The following PARD3 variants were observed in gnomAD, a reference collection of about 807,000 sequenced individuals.
The protein encoded by PARD3 is par-3 family cell polarity regulator.
In PARD3, 75 loss-of-function variants were observed where a neutral mutation model predicts 155.4. That is an observed-to-expected ratio of 0.48 (90% CI 0.40 to 0.58). The LOEUF is 0.58. PARD3 is among the 20% of genes least tolerant of loss of function. The pLI, the probability that PARD3 is intolerant of heterozygous loss-of-function variation, is 0.00. For synonymous variants in PARD3, 576 were observed against 610.5 expected, an observed-to-expected ratio of 0.94 and a Z score of 0.83; for missense variants, 1,642 against 1,721.7, an observed-to-expected ratio of 0.95 and a Z score of 0.82.
intron 3 of PARD3, among the ~76,000 whole-genome samples, chr10:34,478,771 G>A (rs965770932): frequency 2.0e-5 from 3 of 152,098 alleles, no homozygotes; most frequent in South Asian, 2.1e-4. Flanking sequence ...TCAAACTCCC[G>A]ACCTCAGGTG....
chr10:34,340,278 G>A (rs1293747756), intron 16 of PARD3, among the ~76,000 whole-genome samples: 1 of 152,152 alleles, frequency 6.6e-6, no homozygotes, highest in Non-Finnish European at 1.5e-5. Context: ...TCATGGTAGA[G>A]ATTTAAAGGC....
intron 1 of PARD3, among the ~76,000 whole-genome samples, chr10:34,709,400 C>G (rs1175605805): frequency 6.6e-6 from 1 of 152,180 alleles, no homozygotes; most frequent in Non-Finnish European, 1.5e-5. Flanking sequence ...GATGCTCCAC[C>G]TGTATACACA....
At chr10:34,461,408 C>T (rs1400171031) in intron 4 of PARD3, among the ~76,000 whole-genome samples, 4 of 152,120 alleles carry the variant, frequency 2.6e-5, no homozygotes, top group Non-Finnish European at 5.9e-5. Context: ...AGTTCGAGAC[C>T]AGCCTGGCCA....
At chr10:34,764,157 T>A (rs1837800794) in intron 1 of PARD3, among the ~76,000 whole-genome samples, 1 of 152,242 alleles carries the variant, frequency 6.6e-6, no homozygotes, top group Non-Finnish European at 1.5e-5. Context: ...TGCAGCTTTA[T>A]GATTCTCAAG....
chr10:34,217,511 G>T (rs1413061536), intron 22 of PARD3, among the ~76,000 whole-genome samples: 1 of 152,094 alleles, frequency 6.6e-6, no homozygotes, highest in Non-Finnish European at 1.5e-5. Flanking sequence ...CAGGTGGTGC[G>T]ATCCCACTTC....
At chr10:34,441,792 A>T (rs1485081575) in intron 5 of PARD3, among the ~76,000 whole-genome samples, 2 of 152,120 alleles carry the variant, frequency 1.3e-5, no homozygotes, top group African/African-American at 4.8e-5. Flanking sequence ...TTGTTTTTTT[A>T]AAAAATAATT....
At chr10:34,436,169 G>A (rs2076176416) in intron 5 of PARD3, among the ~76,000 whole-genome samples, 1 of 152,196 alleles carries the variant, frequency 6.6e-6, no homozygotes, top group Non-Finnish European at 1.5e-5. Context: ...ACTGACATCT[G>A]AGCAAATGCT....
chr10:34,489,546 T>C (rs2079740223), intron 3 of PARD3, among the ~76,000 whole-genome samples: 1 of 152,216 alleles, frequency 6.6e-6, no homozygotes, highest in Non-Finnish European at 1.5e-5. Flanking sequence ...ACACTGGCGA[T>C]TAATAAAGCC....
intron 4 of PARD3, among the ~76,000 whole-genome samples, chr10:34,459,156 C>A (rs2077488598): frequency 1.3e-5 from 2 of 151,954 alleles, no homozygotes; most frequent in Non-Finnish European, 1.5e-5. Flanking sequence ...AAATACGCAA[C>A]AACATTTCAT....
chr10:34,804,538 G>C (rs1326045418), intron 1 of PARD3, among the ~76,000 whole-genome samples: 1 of 152,202 alleles, frequency 6.6e-6, no homozygotes, highest in African/African-American at 2.4e-5. Flanking sequence ...TCCAAGTTTA[G>C]AGTATAACCC....
intron 2 of PARD3, among the ~76,000 whole-genome samples, chr10:34,681,745 TATATATATATATATATATATATA>T (rs1361795491): frequency 2.9e-3 from 45 of 15,750 alleles, no homozygotes; most frequent in African/African-American, 0.013. Flanking sequence ...TATATATATA[TATATATATATATATATATATATA>T]TTTTTTTTTT....
At chr10:34,618,958 C>A (rs117820094) in intron 2 of PARD3, among the ~76,000 whole-genome samples, 2,002 of 152,268 alleles carry the variant, frequency 0.013, 8 homozygotes, top group Middle Eastern at 0.024. Context: ...TCAGAGCACA[C>A]CTCGTGATTC....
chr10:34,368,079 G>A (rs1275175675), intron 12 of PARD3, among the ~76,000 whole-genome samples: 3 of 152,080 alleles, frequency 2.0e-5, no homozygotes, highest in South Asian at 2.1e-4. Context: ...GCGAAACCCC[G>A]TTCTACTAAA....
intron 2 of PARD3, among the ~76,000 whole-genome samples, chr10:34,579,907 A>AG (rs112147501): frequency 8.6e-5 from 12 of 139,196 alleles, no homozygotes; most frequent in African/African-American, 3.3e-4. Context: ...TTTTCACTAC[A>AG]GAAAAAAAAA....
At chr10:34,429,809 A>T (rs1404302819) in intron 5 of PARD3, among the ~76,000 whole-genome samples, 1 of 151,772 alleles carries the variant, frequency 6.6e-6, no homozygotes, top group Non-Finnish European at 1.5e-5. Flanking sequence ...TTGATCTCAA[A>T]CTCCTGACCT....
rs374078060 is a variant in PARD3 at position 34,131,596 on chromosome 10, T to C, written c.3420-13A>G. 6 of 1,613,178 alleles carry C rather than the reference T, an allele frequency of 3.7e-6. No individual in the cohort carries two copies. The highest frequency in any genetic ancestry group is 5.1e-6 in the Non-Finnish European group (6 of 1,179,244). On this transcript the variant is annotated splice_polypyrimidine_tract_variant and intron_variant, in intron 22 of 24. Transcript: ENST00000374788. Reference sequence around the variant, plus strand: ...AGTTGATCTGTTACTGAAAGAGAGATGAGGCAGCAGTGAATACCCTTCAGA... The same window carrying C: ...AGTTGATCTGTTACTGAAAGAGAGACGAGGCAGCAGTGAATACCCTTCAGA...
chr10:34,758,158 A>G (rs373834993), intron 1 of PARD3, among the ~76,000 whole-genome samples: 14 of 152,344 alleles, frequency 9.2e-5, no homozygotes, highest in African/African-American at 3.1e-4. Context: ...ACCTCATGCA[A>G]TCAGGGCTTA....
intron 22 of PARD3, among the ~76,000 whole-genome samples, chr10:34,268,505 A>C (rs1207564180): frequency 4.0e-5 from 6 of 149,606 alleles, no homozygotes; most frequent in Non-Finnish European, 8.9e-5. Flanking sequence ...ACTATTCACA[A>C]TAGCAAAGAC....
Position 34,649,010 on chromosome 10 carries a change from A to G in PARD3, c.222+47308T>C, listed in dbSNP as rs2092927517. Among the ~76,000 whole-genome samples, 3 of 152,174 alleles carry G rather than the reference A, an allele frequency of 2.0e-5. No homozygotes were observed. In the South Asian group the frequency reaches 6.2e-4, roughly 32 times the overall value. ...CGTCTGCTAAGCATTAAATGAACCAAGTTTGGGAGATTCCTGAACTTTGAT... is the reference window on the plus strand; with the variant it reads ...CGTCTGCTAAGCATTAAATGAACCAGGTTTGGGAGATTCCTGAACTTTGAT... On this transcript the variant is annotated intron_variant, in intron 2 of 24. Transcript: ENST00000374788.
Sources: allele counts gnomAD v4.1 joint callset (sites outside exome capture counted in the v4.1 genomes callset), GRCh38; gene constraint gnomAD v4.1.1; transcripts MANE v1.5; gene names NCBI Gene and HGNC (gene_info 2026-07-23, HGNC 2026-07-21).